NTM: variants seen among roughly 807,000 people sequenced by gnomAD.
NTM encodes the protein IgLON family member 2.
A neutral mutation model predicts 42.1 loss-of-function variants in NTM; 13 were observed. That is an observed-to-expected ratio of 0.31 (90% CI 0.20 to 0.49). The LOEUF is 0.49. NTM is among the 20% of genes least tolerant of loss of function. The pLI is 0.99. For synonymous variants in NTM, 187 were observed against 179.2 expected (o/e 1.04, Z -0.35); for missense variants, 373 against 452.8 (o/e 0.82, Z 1.60).
chr11:132,225,814 A>G (rs544295996), intron 4 of NTM, among the ~76,000 whole-genome samples: 170 of 152,266 alleles, frequency 1.1e-3, no homozygotes, highest in Admixed American at 1.6e-3. Flanking sequence ...TGAACCCATC[A>G]ACCCATCATG....
chr11:131,567,200 A>T (rs1002298787), intron 1 of NTM, among the ~76,000 whole-genome samples: 2 of 152,036 alleles, frequency 1.3e-5, no homozygotes, highest in Admixed American at 1.3e-4. Flanking sequence ...AACCTAAAAA[A>T]ACCCTAGAGG....
intron 4 of NTM, among the ~76,000 whole-genome samples, chr11:132,282,990 T>A (rs1442010408): frequency 7.0e-6 from 1 of 142,166 alleles, no homozygotes; most frequent in Non-Finnish European, 1.5e-5. Flanking sequence ...TTTTTTTTTT[T>A]TTTTTTTTTT....
chr11:131,586,989 T>C (rs2058923876), intron 1 of NTM, among the ~76,000 whole-genome samples: 1 of 152,042 alleles, frequency 6.6e-6, no homozygotes. Context: ...TGATGCTCAA[T>C]TGGGAGGCTA....
intron 1 of NTM, among the ~76,000 whole-genome samples, chr11:131,407,705 G>T (rs1265420017): frequency 1.3e-5 from 2 of 152,182 alleles, no homozygotes; most frequent in Non-Finnish European, 2.9e-5. Context: ...AGGAGTCATG[G>T]GTCAGAAAGA....
chr11:131,638,588 A>G (rs943225094), intron 1 of NTM, among the ~76,000 whole-genome samples: 2 of 148,292 alleles, frequency 1.3e-5, no homozygotes, highest in Non-Finnish European at 3.0e-5. Context: ...AAAAAAAAAA[A>G]GATGCCTAAT....
intron 3 of NTM, among the ~76,000 whole-genome samples, chr11:132,155,164 G>T (rs935133025): frequency 6.6e-6 from 1 of 152,142 alleles, no homozygotes; most frequent in Non-Finnish European, 1.5e-5. Context: ...TAAATTTCAG[G>T]ATTTAAGAGT....
chr11:131,383,204 G>A (rs184814759), intron 1 of NTM, among the ~76,000 whole-genome samples: 2 of 152,204 alleles, frequency 1.3e-5, no homozygotes, highest in Admixed American at 6.5e-5. Context: ...CAACATAATC[G>A]ATCTGAAAGC....
At chr11:131,769,508 A>G in intron 1 of NTM, 4 of 446,340 alleles carry the variant, frequency 9.0e-6, no homozygotes, top group Non-Finnish European at 8.9e-6. Flanking sequence ...TTATTCTGGT[A>G]TTTATAAAGA....
intron 1 of NTM, among the ~76,000 whole-genome samples, chr11:131,888,481 C>T (rs2137436189): frequency 6.6e-6 from 1 of 152,282 alleles, no homozygotes; most frequent in Admixed American, 6.5e-5. Flanking sequence ...GAGGGCTGTT[C>T]TCCTTTCGGT....
chr11:132,066,600 C>T (rs7937152), intron 2 of NTM, among the ~76,000 whole-genome samples: 57,209 of 152,000 alleles, frequency 0.38, 11,027 homozygotes, highest in South Asian at 0.49. Flanking sequence ...GCCGCAGGAG[C>T]GTAGGGGATA....
intron 1 of NTM, among the ~76,000 whole-genome samples, chr11:131,432,575 G>A (rs1439963965): frequency 2.0e-5 from 3 of 152,110 alleles, no homozygotes; most frequent in African/African-American, 7.2e-5. Context: ...GGGACTAGGG[G>A]TCAGAGGACC....
intron 1 of NTM, among the ~76,000 whole-genome samples, chr11:131,676,469 A>C (rs527707345): frequency 9.9e-5 from 15 of 152,244 alleles, no homozygotes; most frequent in African/African-American, 3.4e-4. Context: ...GCCTGTGTAC[A>C]TGCGTGTGCG....
At chr11:131,906,176 G>T (rs977973990) in intron 1 of NTM, among the ~76,000 whole-genome samples, 6 of 152,106 alleles carry the variant, frequency 3.9e-5, no homozygotes, top group African/African-American at 1.4e-4. Flanking sequence ...TAACTAATTT[G>T]AGTTCAACCA....
chr11:131,979,620 T>A (rs893074646), intron 2 of NTM, among the ~76,000 whole-genome samples: 25 of 152,228 alleles, frequency 1.6e-4, no homozygotes, highest in African/African-American at 5.8e-4. Flanking sequence ...CATTGTCTGG[T>A]AATCCAATAA....
intron 1 of NTM, among the ~76,000 whole-genome samples, chr11:131,449,611 C>G (rs572676703): frequency 2.6e-5 from 4 of 152,328 alleles, no homozygotes; most frequent in Admixed American, 6.5e-5. Flanking sequence ...CTGCGTTCAT[C>G]TCTCTCATCA....
intron 1 of NTM, among the ~76,000 whole-genome samples, chr11:131,767,491 C>T (rs1217816161): frequency 6.6e-6 from 1 of 152,182 alleles, no homozygotes; most frequent in Non-Finnish European, 1.5e-5. Flanking sequence ...GTGGGAAAGT[C>T]TTAGGAGGGG....
intron 1 of NTM, among the ~76,000 whole-genome samples, chr11:131,742,188 A>G (rs867906467): frequency 2.0e-5 from 3 of 152,228 alleles, no homozygotes; most frequent in Non-Finnish European, 4.4e-5. Context: ...AAGTTTACCT[A>G]TGTAACAGAG....
intron 2 of NTM, among the ~76,000 whole-genome samples, chr11:132,065,087 G>A (rs891549797): frequency 6.6e-6 from 1 of 152,206 alleles, no homozygotes; most frequent in African/African-American, 2.4e-5. Context: ...TGCAGGGCAT[G>A]TGACTCTTGG....
chr11:132,149,942 A>T (rs2071481464), intron 3 of NTM, among the ~76,000 whole-genome samples: 1 of 152,220 alleles, frequency 6.6e-6, no homozygotes, highest in Non-Finnish European at 1.5e-5. Flanking sequence ...GTGCTTCCAT[A>T]GTCATGCAAG....
Sources: allele counts gnomAD v4.1 joint callset (sites outside exome capture counted in the v4.1 genomes callset), GRCh38; gene constraint gnomAD v4.1.1; transcripts MANE v1.5; gene names NCBI Gene and HGNC (gene_info 2026-07-23, HGNC 2026-07-21).